The following GALNT13 variants were observed in gnomAD, a reference collection of about 807,000 sequenced individuals.
The protein encoded by GALNT13 is polypeptide N-acetylgalactosaminyltransferase 13, also known as UDP-GalNAc:polypeptide N-acetylgalactosaminyltransferase 13.
Under a neutral mutation model 64.2 loss-of-function variants are expected in GALNT13, and 28 were observed. The observed-to-expected ratio is 0.44, with a 90% CI of 0.32 to 0.60. The LOEUF is 0.60. GALNT13 is among the 20% of genes least tolerant of loss of function. The probability of loss-of-function intolerance (pLI) is 0.05; values close to 1 mark genes in which losing one functional copy is unlikely to be tolerated. For missense variants in GALNT13, 577 were observed against 669.8 expected (o/e 0.86, Z 1.53); for synonymous variants, 214 against 224.6 (o/e 0.95, Z 0.42).
At chr2:153,106,684 T>A in the GALNT13 span, among the ~76,000 whole-genome samples, 1 of 152,102 alleles carries the variant, frequency 6.6e-6, no homozygotes, top group Non-Finnish European at 1.5e-5. Context: ...AAAATGTAGG[T>A]CTGAGCCTAT....
the GALNT13 span, among the ~76,000 whole-genome samples, chr2:153,551,997 A>G: frequency 1.3e-5 from 2 of 152,152 alleles, no homozygotes; most frequent in Non-Finnish European, 2.9e-5. Flanking sequence ...AGAGGTTGGT[A>G]TGGTAAGAAA....
At chr2:153,195,484 T>C in the GALNT13 span, among the ~76,000 whole-genome samples, 1 of 152,200 alleles carries the variant, frequency 6.6e-6, no homozygotes, top group African/African-American at 2.4e-5. Context: ...GTGCCAGCTT[T>C]CTGGGAGGCT....
At chr2:153,167,353 G>A in the GALNT13 span, among the ~76,000 whole-genome samples, 2 of 152,308 alleles carry the variant, frequency 1.3e-5, no homozygotes, top group African/African-American at 4.8e-5. Flanking sequence ...TTGAGGTTAG[G>A]CATATTTTTC....
chr2:154,285,492 G>A (rs1692212214), intron 8 of GALNT13, among the ~76,000 whole-genome samples: 1 of 152,054 alleles, frequency 6.6e-6, no homozygotes, highest in African/African-American at 2.4e-5. Flanking sequence ...CCCTCATTAT[G>A]TGTTCTTGCC....
the GALNT13 span, among the ~76,000 whole-genome samples, chr2:153,230,281 A>C: frequency 9.8e-5 from 15 of 152,344 alleles, no homozygotes; most frequent in East Asian, 2.3e-3. Flanking sequence ...GCGACAAAGA[A>C]TATTGTATAT....
chr2:154,122,891 A>T (rs1419462558), intron 3 of GALNT13, among the ~76,000 whole-genome samples: 1 of 148,120 alleles, frequency 6.8e-6, no homozygotes, highest in Non-Finnish European at 1.5e-5. Context: ...TCGTATTCAA[A>T]CTGTGGAAAA....
the GALNT13 span, among the ~76,000 whole-genome samples, chr2:153,411,104 C>T: frequency 6.6e-6 from 1 of 151,542 alleles, no homozygotes; most frequent in South Asian, 2.1e-4. Context: ...CATTTGCCCA[C>T]TTCAGCCTCC....
chr2:153,853,574 C>CAT, the GALNT13 span, among the ~76,000 whole-genome samples: 1 of 151,794 alleles, frequency 6.6e-6, no homozygotes, highest in African/African-American at 2.4e-5. Flanking sequence ...AATGAACATG[C>CAT]ATAGAAACAT....
the GALNT13 span, among the ~76,000 whole-genome samples, chr2:153,504,568 A>G: frequency 1.3e-5 from 2 of 152,194 alleles, no homozygotes; most frequent in East Asian, 3.9e-4. Flanking sequence ...TTCTATGCCG[A>G]TTTTGCTGAG....
At chr2:154,012,067 T>G (rs1696675053) in intron 3 of GALNT13, among the ~76,000 whole-genome samples, 1 of 152,162 alleles carries the variant, frequency 6.6e-6, no homozygotes, top group South Asian at 2.1e-4. Context: ...CCAGTTTGCA[T>G]TCAAGATTAA....
chr2:153,747,790 C>T, the GALNT13 span, among the ~76,000 whole-genome samples: 1 of 152,092 alleles, frequency 6.6e-6, no homozygotes, highest in Non-Finnish European at 1.5e-5. Flanking sequence ...CTTTCTGTGC[C>T]TGGCTTATCT....
the GALNT13 span, among the ~76,000 whole-genome samples, chr2:153,734,934 T>C: frequency 6.6e-6 from 1 of 152,180 alleles, no homozygotes; most frequent in South Asian, 2.1e-4. Flanking sequence ...AATGTAGAGC[T>C]GTCTTTTCTC....
intron 4 of GALNT13, among the ~76,000 whole-genome samples, chr2:154,188,702 G>A (rs1055480120): frequency 5.3e-5 from 8 of 152,096 alleles, no homozygotes; most frequent in Non-Finnish European, 8.8e-5. Flanking sequence ...GGAGTAGGAT[G>A]TGACCTTTTT....
chr2:154,011,628 T>C lies in GALNT13; in HGVS notation c.142+66989T>C, dbSNP rs1014908290. Among the ~76,000 whole-genome samples, 3 of 152,150 alleles carry C rather than the reference T, an allele frequency of 2.0e-5. No homozygotes were observed. The East Asian group carries it at 5.8e-4, about 29-fold the overall frequency. ...GTATTCAGTTCCTGGATATTTTTGT[T>C]AGTTTTCTCCCTTGATGATCTAATA... On this transcript the variant is annotated intron_variant, in intron 3 of 12. Coordinates refer to ENST00000392825, the MANE Select transcript of GALNT13 (RefSeq NM_052917.4).
the GALNT13 span, among the ~76,000 whole-genome samples, chr2:153,147,487 AT>A: frequency 6.6e-6 from 1 of 150,492 alleles, no homozygotes; most frequent in East Asian, 2.0e-4. Flanking sequence ...AGTATCGACA[AT>A]TTCTGGTGAT....
intron 2 of GALNT13, among the ~76,000 whole-genome samples, chr2:153,932,980 G>A (rs1487757618): frequency 6.6e-6 from 1 of 152,088 alleles, no homozygotes; most frequent in African/African-American, 2.4e-5. Flanking sequence ...TGTTTTGAGA[G>A]TATGGTTGGT....
chr2:153,366,969 A>C, the GALNT13 span, among the ~76,000 whole-genome samples: 2,821 of 151,754 alleles, frequency 0.019, 92 homozygotes, highest in African/African-American at 0.064. Context: ...CCAGAATTTT[A>C]TACCTACTGA....
the GALNT13 span, among the ~76,000 whole-genome samples, chr2:153,144,832 C>T: frequency 3.3e-5 from 5 of 151,678 alleles, no homozygotes; most frequent in Non-Finnish European, 2.9e-5. Context: ...TAAGAAAACT[C>T]GGGAAGTTTT....
In GALNT13 at chr2:154,184,801, A is replaced by G. The variant is rs374190478; in HGVS notation, c.311+44296A>G. 4.6e-5 allele frequency among the ~76,000 whole-genome samples: 7 copies of G among 152,082 alleles called. No individual in the cohort carries two copies. In the East Asian group the frequency reaches 9.6e-4, roughly 21 times the overall value. The stretch of plus-strand genomic sequence containing the variant: ...CAGTGCCAAACCTTTACATTTTTTC[A>G]TATAATATATCATTTAAAAAGTTAT... On this transcript the variant is annotated intron_variant, in intron 4 of 12. Transcript: ENST00000392825.
Sources: allele counts gnomAD v4.1 joint callset (sites outside exome capture counted in the v4.1 genomes callset), GRCh38; gene constraint gnomAD v4.1.1; transcripts MANE v1.5; gene names NCBI Gene and HGNC (gene_info 2026-07-23, HGNC 2026-07-21).